NTM: variants seen among roughly 807,000 people sequenced by gnomAD.
NTM encodes the protein neurotrimin.
Under a neutral mutation model 42.1 loss-of-function variants are expected in NTM, and 13 were observed. The ratio of observed to expected loss-of-function variants is 0.31; its 90% confidence interval spans 0.20 to 0.49. The LOEUF (loss-of-function observed/expected upper bound fraction) is 0.49, where lower values mean the gene tolerates loss of function less well. NTM is among the 20% of genes least tolerant of loss of function. The probability of loss-of-function intolerance (pLI) is 0.99; values close to 1 mark genes in which losing one functional copy is unlikely to be tolerated. For missense variants in NTM, 373 were observed against 452.8 expected (o/e 0.82, Z 1.60); for synonymous variants, 187 against 179.2 (o/e 1.04, Z -0.35).
chr11:131,765,471 A>G (rs2084951639), intron 1 of NTM, among the ~76,000 whole-genome samples: 1 of 151,960 alleles, frequency 6.6e-6, no homozygotes, highest in Non-Finnish European at 1.5e-5. Flanking sequence ...TGTAGTATGT[A>G]TTTTCTATCT....
intron 2 of NTM, among the ~76,000 whole-genome samples, chr11:132,087,606 A>T (rs2059883268): frequency 6.6e-6 from 1 of 152,192 alleles, no homozygotes; most frequent in Non-Finnish European, 1.5e-5. Context: ...ACTGTGGAAT[A>T]GGGTCCTTCT....
chr11:131,377,066 A>G (rs1179188223), intron 1 of NTM, among the ~76,000 whole-genome samples: 1 of 152,214 alleles, frequency 6.6e-6, no homozygotes, highest in Non-Finnish European at 1.5e-5. Context: ...TGGAGACTTC[A>G]TGGCACAGCC....
chr11:131,882,931 T>C (rs2049781127), intron 1 of NTM, among the ~76,000 whole-genome samples: 1 of 151,944 alleles, frequency 6.6e-6, no homozygotes, highest in Non-Finnish European at 1.5e-5. Context: ...TTCAGGAAAA[T>C]AACGAATGAA....
chr11:132,282,704 G>T (rs1357797385), intron 4 of NTM, among the ~76,000 whole-genome samples: 3 of 152,156 alleles, frequency 2.0e-5, no homozygotes, highest in Non-Finnish European at 2.9e-5. Context: ...AGAGGAAGAT[G>T]ATTTAGAAAA....
intron 1 of NTM, among the ~76,000 whole-genome samples, chr11:131,567,737 G>A (rs2057040086): frequency 6.6e-6 from 1 of 152,200 alleles, no homozygotes; most frequent in African/African-American, 2.4e-5. Context: ...TTAAAGTCCT[G>A]CGTCTTTCTT....
At chr11:132,038,566 G>C (rs2076788338) in intron 2 of NTM, among the ~76,000 whole-genome samples, 1 of 152,170 alleles carries the variant, frequency 6.6e-6, no homozygotes, top group Admixed American at 6.5e-5. Context: ...GCTGTTTAGA[G>C]GATTAAGTGA....
chr11:131,874,627 T>A (rs1353607414), intron 1 of NTM, among the ~76,000 whole-genome samples: 2 of 152,204 alleles, frequency 1.3e-5, no homozygotes, highest in Admixed American at 6.5e-5. Context: ...GACTAGCAAT[T>A]AGTTTAATAA....
At position 131,911,581 on chromosome 11, in the gene NTM, G is replaced by A. The variant is rs760808010; in HGVS notation, c.100G>A (p.Gly34Arg). Residue 34 changes from glycine to arginine, a missense_variant, in exon 2 of 9, where the codon GGA (glycine) becomes AGA (arginine). Coordinates refer to ENST00000683400, the MANE Select transcript of NTM (RefSeq NM_001352005.2). ...CLFQGVPVRS[G>R]DATFPKAMDN... ...ACCCACAGGAGTGCCCGTGCGCAGC[G>A]GAGATGCCACCTTCCCCAAAGCTAT... is the stretch of plus-strand genomic sequence containing the variant. The A allele has an allele frequency of 1.9e-5, 30 of 1,614,082 alleles. No individual in the cohort carries two copies. In the South Asian group the frequency reaches 2.4e-4, roughly 13 times the overall value.
intron 2 of NTM, among the ~76,000 whole-genome samples, chr11:132,031,408 C>G (rs1355518014): frequency 6.6e-6 from 1 of 152,122 alleles, no homozygotes; most frequent in Non-Finnish European, 1.5e-5. Context: ...TGCCGTATTC[C>G]AGATGAGAGG....
intron 2 of NTM, among the ~76,000 whole-genome samples, chr11:131,962,553 C>A (rs2062333770): frequency 6.6e-6 from 1 of 152,196 alleles, no homozygotes; most frequent in South Asian, 2.1e-4. Flanking sequence ...CGGGCCCTTG[C>A]CCTCCAGATC....
At chr11:132,254,443 C>T (rs756708346) in intron 4 of NTM, among the ~76,000 whole-genome samples, 1 of 151,848 alleles carries the variant, frequency 6.6e-6, no homozygotes, top group Non-Finnish European at 1.5e-5. Flanking sequence ...CGTCTCTGTA[C>T]ACACCCACTG....
intron 1 of NTM, among the ~76,000 whole-genome samples, chr11:131,773,450 T>C (rs1440683243): frequency 6.6e-6 from 1 of 152,244 alleles, no homozygotes; most frequent in Admixed American, 6.5e-5. Flanking sequence ...ACAACAGTTT[T>C]AAAATTTTAT....
chr11:131,789,636 A>AAGAAG lies in NTM; in HGVS notation c.83-121927_83-121926insGAAGA, dbSNP rs1555127950. ...AAGAAGAAGAAGAAGAAGAAGAAGA[A>AAGAAG]AAGAAGAAGAAGAAGAAGAAGAAGA... On this transcript the variant is annotated intron_variant, in intron 1 of 8. Coordinates refer to ENST00000683400, the MANE Select transcript of NTM (RefSeq NM_001352005.2). Among the ~76,000 whole-genome samples the AAGAAG allele has an allele frequency of 1.8e-3, 56 of 30,894 alleles. 15 individuals carry two copies. The highest frequency in any genetic ancestry group is 6.3e-3 in the African/African-American group (52 of 8,280). The allele number at this position is 30,894 out of a possible 152,430, so 20.3% of individuals were successfully genotyped here.
intron 2 of NTM, among the ~76,000 whole-genome samples, chr11:132,036,042 A>G (rs2076475519): frequency 6.6e-6 from 1 of 152,152 alleles, no homozygotes; most frequent in Non-Finnish European, 1.5e-5. Context: ...CCATGTAATT[A>G]CAGAGTTATT....
intron 3 of NTM, among the ~76,000 whole-genome samples, chr11:132,168,501 C>A (rs1000522714): frequency 6.6e-6 from 1 of 152,216 alleles, no homozygotes; most frequent in African/African-American, 2.4e-5. Context: ...TGTCTGCATG[C>A]CAGATTCTCC....
At chr11:131,704,071 ACC>A (rs3064612) in intron 1 of NTM, among the ~76,000 whole-genome samples, 30,524 of 151,392 alleles carry the variant, frequency 0.2, 3,328 homozygotes, top group African/African-American at 0.27. Flanking sequence ...AGCCCTTACA[ACC>A]CCCCTGGTTC....
At chr11:131,943,645 C>G (rs1250732621) in intron 2 of NTM, among the ~76,000 whole-genome samples, 1 of 152,184 alleles carries the variant, frequency 6.6e-6, no homozygotes. Context: ...CTCAGTTCCA[C>G]CTATCACTTT....
intron 2 of NTM, among the ~76,000 whole-genome samples, chr11:132,016,445 T>G (rs1221276393): frequency 6.6e-6 from 1 of 150,560 alleles, no homozygotes; most frequent in African/African-American, 2.4e-5. Context: ...ATATGTTGTT[T>G]TTTGCATCTG....
chr11:131,818,853 T>C (rs920898479), intron 1 of NTM, among the ~76,000 whole-genome samples: 5 of 152,218 alleles, frequency 3.3e-5, no homozygotes, highest in Non-Finnish European at 7.3e-5. Context: ...TACACATCTT[T>C]GATCTCCCCG....
Sources: gnomAD v4.1 joint callset for allele counts (sites outside exome capture counted in the v4.1 genomes callset) on GRCh38, gnomAD v4.1.1 for gene constraint, MANE v1.5 for transcripts, NCBI Gene and HGNC (gene_info 2026-07-23, HGNC 2026-07-21) for gene names.